PRDM5: variants seen among roughly 807,000 people sequenced by gnomAD.
PRDM5 encodes PR/SET domain 5.
PRDM5 carries 56 observed loss-of-function variants against 81.2 expected under a neutral mutation model. The ratio of observed to expected loss-of-function variants is 0.69; its 90% CI spans 0.56 to 0.86. The LOEUF (loss-of-function observed/expected upper bound fraction) is 0.86, where lower values mean the gene tolerates loss of function less well. Among genes scored for constraint, PRDM5 ranks in the 40% least tolerant of loss-of-function variants. The pLI is 0.00. For synonymous variants in PRDM5, 267 were observed against 256.4 expected (o/e 1.04, Z -0.39); for missense variants, 697 against 770.1 (o/e 0.91, Z 1.12).
At chr4:120,735,214 T>C (rs981730614) in intron 14 of PRDM5, among the ~76,000 whole-genome samples, 1 of 152,160 alleles carries the variant, frequency 6.6e-6, no homozygotes, top group Non-Finnish European at 1.5e-5. Flanking sequence ...TGTGAGATAA[T>C]CAAGAAAGGC....
intron 2 of PRDM5, among the ~76,000 whole-genome samples, chr4:120,853,932 G>A (rs978556418): frequency 6.6e-6 from 1 of 152,174 alleles, no homozygotes; most frequent in Non-Finnish European, 1.5e-5. Context: ...CCAGTTGAGA[G>A]GGGTAGAACT....
intron 1 of PRDM5, among the ~76,000 whole-genome samples, chr4:120,921,155 C>G (rs1006536116): frequency 2.0e-5 from 3 of 151,976 alleles, no homozygotes; most frequent in African/African-American, 4.8e-5. Context: ...AAGCCAGAAA[C>G]CTTTAAGGAA....
intron 8 of PRDM5, among the ~76,000 whole-genome samples, chr4:120,805,993 T>A (rs914151626): frequency 2.2e-4 from 33 of 152,156 alleles, no homozygotes; most frequent in African/African-American, 7.2e-4. Context: ...ATAAGCAACT[T>A]CAGCAGTCTC....
chr4:120,922,097 C>A (rs1725008358), intron 1 of PRDM5, among the ~76,000 whole-genome samples: 1 of 152,244 alleles, frequency 6.6e-6, no homozygotes. Context: ...GAGGCGACAG[C>A]GGAGCAGCGT....
intron 10 of PRDM5, among the ~76,000 whole-genome samples, chr4:120,795,855 G>A (rs1469934208): frequency 6.6e-5 from 10 of 152,216 alleles, no homozygotes; most frequent in African/African-American, 1.9e-4. Flanking sequence ...AGAGATTACA[G>A]TGAGCCAAGA....
chr4:120,802,438 T>C lies in PRDM5; in HGVS notation c.946-2693A>G, dbSNP rs1752262927. On this transcript the variant is annotated intron_variant, in intron 8 of 15. Transcript: ENST00000264808. ...GTGGGTGCCTGACTCCCAAGTAGCC[T>C]AACTGGGAGGCATCCGCCAATAGGG... 2.6e-5 allele frequency among the ~76,000 whole-genome samples: 4 copies of C among 152,138 alleles called. No homozygotes were observed. In the South Asian group the frequency reaches 8.3e-4, roughly 31 times the overall value.
At chr4:120,822,175 C>T (rs1755375985) in intron 3 of PRDM5, among the ~76,000 whole-genome samples, 1 of 152,180 alleles carries the variant, frequency 6.6e-6, no homozygotes, top group Non-Finnish European at 1.5e-5. Context: ...GGCCTTGGGC[C>T]AATCACCAGG....
chr4:120,913,888 C>T (rs948481806), intron 1 of PRDM5, among the ~76,000 whole-genome samples: 1 of 152,138 alleles, frequency 6.6e-6, no homozygotes, highest in African/African-American at 2.4e-5. Context: ...ACAAGGAGAC[C>T]AGAAAGCTGA....
At chr4:120,801,775 G>T in intron 8 of PRDM5, among the ~76,000 whole-genome samples, 1 of 152,220 alleles carries the variant, frequency 6.6e-6, no homozygotes, top group African/African-American at 2.4e-5. Flanking sequence ...CTTCCACAGC[G>T]GCTTCAGTTA....
At chr4:120,835,368 A>G (rs948327585) in intron 3 of PRDM5, among the ~76,000 whole-genome samples, 1 of 152,214 alleles carries the variant, frequency 6.6e-6, no homozygotes, top group African/African-American at 2.4e-5. Context: ...GTGTGCATGC[A>G]CATGTGTGCC....
chr4:120,813,303 T>C (rs940397679), intron 7 of PRDM5, among the ~76,000 whole-genome samples: 2 of 152,168 alleles, frequency 1.3e-5, no homozygotes, highest in Admixed American at 1.3e-4. Context: ...ATTTCAAATA[T>C]ACAAAAAGTA....
At chr4:120,785,992 A>G (rs1749715826) in intron 10 of PRDM5, among the ~76,000 whole-genome samples, 1 of 152,150 alleles carries the variant, frequency 6.6e-6, no homozygotes, top group South Asian at 2.1e-4. Context: ...ATCAGTAAAT[A>G]AAATCTTATT....
At chr4:120,846,516 A>AT (rs1253976324) in intron 3 of PRDM5, among the ~76,000 whole-genome samples, 1 of 152,176 alleles carries the variant, frequency 6.6e-6, no homozygotes, top group Non-Finnish European at 1.5e-5. Context: ...AGATATGTGT[A>AT]TTTTTTAGAC....
At chr4:120,812,799 T>G (rs1561344221) in intron 7 of PRDM5, 1 of 414,294 alleles carries the variant, frequency 2.4e-6, no homozygotes, top group African/African-American at 2.1e-5. Flanking sequence ...GCCTTTCACT[T>G]TTCCATGTAC....
chr4:120,896,696 T>TC (rs1764663915), intron 2 of PRDM5: 1 of 151,332 alleles, frequency 6.6e-6, no homozygotes, highest in Non-Finnish European at 1.5e-5. Flanking sequence ...CACATAATTT[T>TC]TTTTTTAGAT....
In PRDM5 at chr4:120,798,486, A is replaced by G; in HGVS notation, c.1031-62T>C. 7.6e-6 allele frequency: 11 copies of G among 1,455,110 alleles called. No homozygotes were observed. In the South Asian group the frequency reaches 1.2e-4, roughly 16 times the overall value. The allele number at this position is 1,455,110 out of a possible 1,614,324, so 90.1% of individuals were successfully genotyped here. ...TATAAAGGTAAAGGATAAAAGAGAA[A>G]ACACCCTTACCTTATATTACTTCTT... is the stretch of plus-strand genomic sequence containing the variant. On this transcript the variant is annotated intron_variant, in intron 9 of 15. Transcript: ENST00000264808.
chr4:120,798,797 C>G (rs949726593), intron 9 of PRDM5, among the ~76,000 whole-genome samples: 1 of 152,162 alleles, frequency 6.6e-6, no homozygotes, highest in Non-Finnish European at 1.5e-5. Flanking sequence ...AGCTGCCTTC[C>G]CCCAGGGCCA....
chr4:120,756,240 T>C (rs1315854669), intron 13 of PRDM5, among the ~76,000 whole-genome samples: 1 of 152,222 alleles, frequency 6.6e-6, no homozygotes, highest in African/African-American at 2.4e-5. Context: ...TACACATATG[T>C]CTAACAGGTA....
At chr4:120,733,482 C>CA (rs1248242174) in intron 14 of PRDM5, among the ~76,000 whole-genome samples, 1 of 152,192 alleles carries the variant, frequency 6.6e-6, no homozygotes, top group Admixed American at 6.5e-5. Flanking sequence ...CTAGAAAACT[C>CA]AGACTCATAC....
Sources: allele counts gnomAD v4.1 joint callset (sites outside exome capture counted in the v4.1 genomes callset), GRCh38; gene constraint gnomAD v4.1.1; transcripts MANE v1.5; gene names NCBI Gene and HGNC (gene_info 2026-07-23, HGNC 2026-07-21).